The following AGMO variants were observed in gnomAD, a reference collection of about 807,000 sequenced individuals.
The protein encoded by AGMO is alkylglycerol monooxygenase.
A neutral mutation model predicts 60.2 loss-of-function variants in AGMO; 75 were observed. The ratio of observed to expected loss-of-function variants is 1.25; its 90% confidence interval spans 1.03 to 1.51. The LOEUF (loss-of-function observed/expected upper bound fraction) is 1.51. Ranked by LOEUF, AGMO falls within the 40% of genes most tolerant of loss-of-function variation. The pLI is 0.00. For synonymous variants in AGMO, 261 were observed against 177.1 expected (o/e 1.47, Z -3.76); for missense variants, 763 against 525.5 (o/e 1.45, Z -4.42).
intron 12 of AGMO, among the ~76,000 whole-genome samples, chr7:15,353,901 A>C (rs1183256324): frequency 6.6e-6 from 1 of 152,182 alleles, no homozygotes; most frequent in Non-Finnish European, 1.5e-5. Context: ...TGATGCATAG[A>C]AAACTATCAT....
At chr7:15,353,851 T>C (rs1217983272) in intron 12 of AGMO, among the ~76,000 whole-genome samples, 1 of 152,096 alleles carries the variant, frequency 6.6e-6, no homozygotes, top group East Asian at 1.9e-4. Flanking sequence ...TGAGTAAGAA[T>C]ATAAGCTATA....
At chr7:15,247,376 G>A (rs1782770222) in intron 12 of AGMO, among the ~76,000 whole-genome samples, 1 of 147,560 alleles carries the variant, frequency 6.8e-6, no homozygotes, top group Non-Finnish European at 1.5e-5. Context: ...TAGTCTCCAA[G>A]TTATAGTTAC....
chr7:15,539,894 T>C (rs1235449756), intron 3 of AGMO, among the ~76,000 whole-genome samples: 1 of 151,444 alleles, frequency 6.6e-6, no homozygotes, highest in Non-Finnish European at 1.5e-5. Context: ...ATTAGTGATG[T>C]TGAGCTTTTT....
At chr7:15,206,328 G>C (rs1170361126) in intron 12 of AGMO, among the ~76,000 whole-genome samples, 4 of 149,834 alleles carry the variant, frequency 2.7e-5, no homozygotes, top group African/African-American at 9.7e-5. Flanking sequence ...TTTTCACTTT[G>C]AAAATATTCT....
chr7:15,378,985 C>G (rs758728548), intron 10 of AGMO, among the ~76,000 whole-genome samples: 6 of 151,972 alleles, frequency 3.9e-5, no homozygotes, highest in African/African-American at 7.2e-5. Flanking sequence ...TACATGGAAA[C>G]TGAATAACCT....
At chr7:15,321,569 C>G (rs1781109643) in intron 12 of AGMO, among the ~76,000 whole-genome samples, 1 of 152,044 alleles carries the variant, frequency 6.6e-6, no homozygotes, top group Admixed American at 6.6e-5. Flanking sequence ...ATACTCATCT[C>G]TACACTTAGC....
chr7:15,174,416 G>T, the AGMO span, among the ~76,000 whole-genome samples: 3 of 152,070 alleles, frequency 2.0e-5, no homozygotes, highest in East Asian at 5.8e-4. Context: ...TTTAAACAGA[G>T]AATAAAAATA....
intron 2 of AGMO, among the ~76,000 whole-genome samples, chr7:15,556,219 GTTTTTTT>G (rs71004394): frequency 0.023 from 2,149 of 91,540 alleles, 72 homozygotes; most frequent in African/African-American, 0.075. Flanking sequence ...CTCCTTTTTA[GTTTTTTT>G]TTTTTTTTTT....
the AGMO span, among the ~76,000 whole-genome samples, chr7:15,135,161 T>TG: frequency 0.25 from 9,684 of 39,046 alleles, 333 homozygotes; most frequent in Middle Eastern, 0.35. Flanking sequence ...TTTATATGAG[T>TG]TTGTGTGTGT....
rs573758157 is a variant in AGMO, at chr7:15,365,559, A to T, written c.1218T>A (p.Phe406Leu). The T allele has an allele frequency of 6.2e-7, 1 of 1,612,984 alleles. No individual in the cohort carries two copies. The highest frequency in any genetic ancestry group is 2.2e-5 in the East Asian group (1 of 44,836). ...AAGGGACAAGAGGCTTCAGGTGACC[A>T]AATCGGTACAGCATTAAGAACATCA... ...RCLMFLMLYR[F>L]GHLKPLVPSL... Residue 406 changes from phenylalanine (F) to leucine (L), a missense_variant, in exon 12 of 13, where the codon TTT becomes TTA. Transcript: ENST00000342526.
intron 12 of AGMO, among the ~76,000 whole-genome samples, chr7:15,322,022 C>T (rs969340377): frequency 5.3e-5 from 8 of 151,540 alleles, no homozygotes; most frequent in African/African-American, 1.9e-4. Flanking sequence ...TCTTAAGATG[C>T]CAGCTAAGAA....
At chr7:15,387,949 CCAGGCTGGAGTG>C (rs57362162) in intron 8 of AGMO, among the ~76,000 whole-genome samples, 10,614 of 149,794 alleles carry the variant, frequency 0.071, 1,292 homozygotes, top group African/African-American at 0.25. Flanking sequence ...GCTCTGTTGC[CCAGGCTGGAGTG>C]CAGTGGAGCG....
At chr7:15,301,427 A>C (rs1784555840) in intron 12 of AGMO, among the ~76,000 whole-genome samples, 1 of 151,652 alleles carries the variant, frequency 6.6e-6, no homozygotes, top group African/African-American at 2.4e-5. Flanking sequence ...AGACAGAGAG[A>C]GCTTCAGTCT....
intron 12 of AGMO, among the ~76,000 whole-genome samples, chr7:15,265,419 T>C (rs1783402372): frequency 2.0e-5 from 3 of 151,956 alleles, no homozygotes; most frequent in South Asian, 4.1e-4. Context: ...AACCTGCACA[T>C]GTACCATTTA....
chr7:15,300,635 C>T (rs907089064), intron 12 of AGMO, among the ~76,000 whole-genome samples: 1 of 152,152 alleles, frequency 6.6e-6, no homozygotes, highest in Non-Finnish European at 1.5e-5. Flanking sequence ...AACACTCATA[C>T]TACACTCAAA....
At chr7:15,397,018 C>G (rs1326639456) in intron 5 of AGMO, among the ~76,000 whole-genome samples, 2 of 152,152 alleles carry the variant, frequency 1.3e-5, no homozygotes, top group African/African-American at 4.8e-5. Context: ...GTTTACAATC[C>G]TTTAGCTACA....
intron 3 of AGMO, among the ~76,000 whole-genome samples, chr7:15,439,658 C>T (rs1781495530): frequency 6.6e-6 from 1 of 152,188 alleles, no homozygotes; most frequent in African/African-American, 2.4e-5. Context: ...CTTTGAGCAT[C>T]ACTGTGCTTT....
chr7:15,492,324 G>A (rs1783087683), intron 3 of AGMO, among the ~76,000 whole-genome samples: 2 of 139,498 alleles, frequency 1.4e-5, no homozygotes, highest in Admixed American at 7.4e-5. Flanking sequence ...GGAACCGATT[G>A]CAAACCCTTG....
At chr7:15,401,376 T>C (rs938016180) in intron 5 of AGMO, among the ~76,000 whole-genome samples, 3 of 152,272 alleles carry the variant, frequency 2.0e-5, no homozygotes, top group Admixed American at 6.5e-5. Flanking sequence ...AAAGTAGAGA[T>C]GCAATTAACT....
Sources: gnomAD v4.1 joint callset for allele counts (sites outside exome capture counted in the v4.1 genomes callset) on GRCh38, gnomAD v4.1.1 for gene constraint, MANE v1.5 for transcripts, NCBI Gene and HGNC (gene_info 2026-07-23, HGNC 2026-07-21) for gene names.